CDK8: variants seen among roughly 807,000 people sequenced by gnomAD.
The protein encoded by CDK8 is cyclin dependent kinase 8.
A neutral mutation model predicts 71.5 loss-of-function variants in CDK8; 29 were observed. The ratio of observed to expected loss-of-function variants is 0.41; its 90% CI spans 0.30 to 0.55. CDK8 has a LOEUF of 0.55. Among genes scored for constraint, CDK8 ranks in the 20% least tolerant of loss-of-function variants. The pLI, the probability that CDK8 is intolerant of heterozygous loss-of-function variation, is 0.37. For synonymous variants in CDK8, 161 were observed against 192.1 expected, an observed-to-expected ratio of 0.84 and a Z score of 1.34; for missense variants, 288 against 572.6, an observed-to-expected ratio of 0.50 and a Z score of 5.07.
chr13:26,309,867 C>A (rs1169355001), intron 1 of CDK8, among the ~76,000 whole-genome samples: 2 of 151,928 alleles, frequency 1.3e-5, no homozygotes, highest in African/African-American at 4.8e-5. Flanking sequence ...GCTCACTGTA[C>A]CCTCAGCCTC....
intron 1 of CDK8, among the ~76,000 whole-genome samples, chr13:26,257,301 C>T (rs1405384045): frequency 2.6e-5 from 4 of 151,956 alleles, no homozygotes; most frequent in Non-Finnish European, 5.9e-5. Flanking sequence ...TTTCAGTTGC[C>T]CAGTGAGCAT....
chr13:26,346,172 C>G (rs2137987350), intron 2 of CDK8, among the ~76,000 whole-genome samples: 1 of 152,220 alleles, frequency 6.6e-6, no homozygotes, highest in East Asian at 1.9e-4. Context: ...CCCTTAAACC[C>G]CTGTTTTCTC....
intron 4 of CDK8, among the ~76,000 whole-genome samples, chr13:26,355,323 A>G (rs957693124): frequency 8.5e-5 from 13 of 152,240 alleles, no homozygotes; most frequent in Admixed American, 3.3e-4. Context: ...ACTTATAAAA[A>G]TAGATTTACA....
At chr13:26,285,022 T>C (rs929888740) in intron 1 of CDK8, among the ~76,000 whole-genome samples, 1 of 151,914 alleles carries the variant, frequency 6.6e-6, no homozygotes, top group African/African-American at 2.4e-5. Flanking sequence ...GTGGATCACC[T>C]GAGATCAGGA....
intron 1 of CDK8, among the ~76,000 whole-genome samples, chr13:26,290,438 A>G (rs1312404106): frequency 6.6e-6 from 1 of 152,196 alleles, no homozygotes; most frequent in Non-Finnish European, 1.5e-5. Flanking sequence ...AACTCACCTG[A>G]TTATAGTATG....
At chr13:26,347,242 G>T (rs1049208796) in intron 2 of CDK8, among the ~76,000 whole-genome samples, 2 of 152,138 alleles carry the variant, frequency 1.3e-5, no homozygotes, top group South Asian at 4.2e-4. Flanking sequence ...ATGCTCTCCT[G>T]GATGCTTCTC....
At chr13:26,340,143 G>C (rs150749281) in intron 2 of CDK8, among the ~76,000 whole-genome samples, 3 of 150,290 alleles carry the variant, frequency 2.0e-5, no homozygotes, top group African/African-American at 7.5e-5. Context: ...GCTTTTTTCT[G>C]CATAGATAAA....
At chr13:26,336,429 A>G (rs1475872656) in intron 1 of CDK8, among the ~76,000 whole-genome samples, 1 of 152,086 alleles carries the variant, frequency 6.6e-6, no homozygotes, top group African/African-American at 2.4e-5. Context: ...TAATATTGAT[A>G]GATATAATAA....
intron 1 of CDK8, among the ~76,000 whole-genome samples, chr13:26,332,630 A>AT (rs2137965474): frequency 6.6e-6 from 1 of 152,266 alleles, no homozygotes; most frequent in South Asian, 2.1e-4. Flanking sequence ...AAGAGTGGTG[A>AT]AAGTGAGCAT....
intron 1 of CDK8, among the ~76,000 whole-genome samples, chr13:26,327,359 T>C (rs1048162068): frequency 6.6e-6 from 1 of 152,184 alleles, no homozygotes; most frequent in Admixed American, 6.5e-5. Flanking sequence ...AATAAATCTT[T>C]ATGTTACCTC....
chr13:26,365,981 A>C (rs932275264), intron 4 of CDK8, among the ~76,000 whole-genome samples: 4 of 152,138 alleles, frequency 2.6e-5, no homozygotes, highest in Admixed American at 6.6e-5. Context: ...GTGAAAAAAA[A>C]CCATAAAAAT....
At chr13:26,265,525 A>T (rs1319871671) in intron 1 of CDK8, among the ~76,000 whole-genome samples, 1 of 152,176 alleles carries the variant, frequency 6.6e-6, no homozygotes, top group Non-Finnish European at 1.5e-5. Context: ...ATTACTTTAT[A>T]AGGAAGACGG....
At chr13:26,267,432 G>C (rs1257688086) in intron 1 of CDK8, among the ~76,000 whole-genome samples, 1 of 152,148 alleles carries the variant, frequency 6.6e-6, no homozygotes, top group East Asian at 1.9e-4. Context: ...TTTTACCTCA[G>C]ATTGAGCTTC....
rs1256185528 is a variant in CDK8, at chr13:26,401,937, G to A, written c.1269+313G>A. On this transcript the variant is annotated intron_variant, in intron 12 of 12. Coordinates refer to ENST00000381527, the MANE Select transcript of CDK8 (RefSeq NM_001260.3). The surrounding 1 kb of genome is among the most constrained non-coding windows in gnomAD (Gnocchi z 4.5). ...AACTAGTAAAACCTAACTTGCAGCT[G>A]TTGTCAGATTAGACATGAAGTGGCT... is the stretch of plus-strand genomic sequence containing the variant. Among the ~76,000 whole-genome samples, 1 of 152,224 alleles carries A rather than the reference G, an allele frequency of 6.6e-6. No individual in the cohort carries two copies. The highest frequency in any genetic ancestry group is 2.4e-5 in the African/African-American group (1 of 41,456).
At chr13:26,311,835 T>G (rs1468052592) in intron 1 of CDK8, among the ~76,000 whole-genome samples, 5 of 152,242 alleles carry the variant, frequency 3.3e-5, no homozygotes, top group Non-Finnish European at 7.3e-5. Flanking sequence ...GAAGTAAGAT[T>G]ATCTTTGGAT....
chr13:26,276,150 C>T (rs974747069), intron 1 of CDK8, among the ~76,000 whole-genome samples: 3 of 152,138 alleles, frequency 2.0e-5, no homozygotes, highest in Non-Finnish European at 2.9e-5. Flanking sequence ...CGTGAGTAAC[C>T]GGCTGTACCT....
At chr13:26,349,672 T>C (rs911066052) in intron 3 of CDK8, among the ~76,000 whole-genome samples, 1 of 152,310 alleles carries the variant, frequency 6.6e-6, no homozygotes, top group South Asian at 2.1e-4. Context: ...AAGCTGTAGT[T>C]TACCCCATCT....
intron 6 of CDK8, among the ~76,000 whole-genome samples, chr13:26,386,247 A>G (rs1875470598): frequency 6.6e-6 from 1 of 152,204 alleles, no homozygotes; most frequent in African/African-American, 2.4e-5. Flanking sequence ...AGTTGTTTAT[A>G]CTTAAGTTGT....
At chr13:26,334,934 A>T (rs1479244296) in intron 1 of CDK8, among the ~76,000 whole-genome samples, 1 of 152,040 alleles carries the variant, frequency 6.6e-6, no homozygotes, top group South Asian at 2.1e-4. Context: ...TCGTTCCTTT[A>T]TCTGTCCTTT....
Sources: gnomAD v4.1 joint callset for allele counts (sites outside exome capture counted in the v4.1 genomes callset) on GRCh38, gnomAD v4.1.1 for gene constraint, Gnocchi (gnomAD v3.1) non-coding constraint, MANE v1.5 for transcripts, NCBI Gene and HGNC (gene_info 2026-07-23, HGNC 2026-07-21) for gene names.